The following MEI4 variants were observed in gnomAD, a reference collection of about 807,000 sequenced individuals.
MEI4 encodes the protein meiosis-specific protein MEI4.
A neutral mutation model predicts 31.4 loss-of-function variants in MEI4; 27 were observed. That is an observed-to-expected ratio of 0.86 (90% CI 0.63 to 1.19). The LOEUF (loss-of-function observed/expected upper bound fraction) is 1.19. Among genes scored for constraint, MEI4 ranks in the 50% most tolerant of loss-of-function variants. The pLI is 0.00. For missense variants in MEI4, 329 were observed against 398.9 expected (o/e 0.82, Z 1.49); for synonymous variants, 122 against 145.4 (o/e 0.84, Z 1.16).
chr6:77,844,103 C>A (rs1465603756), intron 4 of MEI4, among the ~76,000 whole-genome samples: 2 of 152,110 alleles, frequency 1.3e-5, no homozygotes, highest in Admixed American at 1.3e-4. Flanking sequence ...AAACAGATCA[C>A]ATCATAATCA....
chr6:77,803,240 A>T (rs1769322504), intron 3 of MEI4, among the ~76,000 whole-genome samples: 2 of 152,126 alleles, frequency 1.3e-5, no homozygotes, highest in Admixed American at 6.5e-5. Context: ...CATCACTGAT[A>T]CCCTTTCTTC....
intron 1 of MEI4, among the ~76,000 whole-genome samples, chr6:77,669,527 T>G (rs1185495481): frequency 6.6e-6 from 1 of 152,188 alleles, no homozygotes; most frequent in Non-Finnish European, 1.5e-5. Context: ...ATTATTAGTG[T>G]CCTCATGTAA....
At chr6:77,797,791 C>G (rs1052933485) in intron 3 of MEI4, among the ~76,000 whole-genome samples, 1 of 152,104 alleles carries the variant, frequency 6.6e-6, no homozygotes, top group Non-Finnish European at 1.5e-5. Context: ...TGGTGCCCAC[C>G]CACGTTGAGG....
At chr6:77,746,830 A>T (rs1767622961) in intron 2 of MEI4, among the ~76,000 whole-genome samples, 1 of 152,144 alleles carries the variant, frequency 6.6e-6, no homozygotes, top group Non-Finnish European at 1.5e-5. Context: ...GACAGGAGGG[A>T]TAGCCACAAT....
At chr6:77,735,324 T>C (rs1384992546) in intron 2 of MEI4, among the ~76,000 whole-genome samples, 1 of 151,790 alleles carries the variant, frequency 6.6e-6, no homozygotes, top group Non-Finnish European at 1.5e-5. Flanking sequence ...TTGGAGGCTT[T>C]GCTCATTTCT....
At chr6:77,805,165 A>T (rs1366234811) in intron 3 of MEI4, among the ~76,000 whole-genome samples, 1 of 152,274 alleles carries the variant, frequency 6.6e-6, no homozygotes, top group Middle Eastern at 3.4e-3. Context: ...AATAATATGT[A>T]AAAATATGAT....
At chr6:77,734,348 T>C (rs1056414737) in intron 2 of MEI4, among the ~76,000 whole-genome samples, 3 of 152,226 alleles carry the variant, frequency 2.0e-5, no homozygotes. Flanking sequence ...ATATTTAGGA[T>C]AGTTAGCTCT....
chr6:77,798,412 G>C (rs1214043895), intron 3 of MEI4, among the ~76,000 whole-genome samples: 1 of 151,584 alleles, frequency 6.6e-6, no homozygotes, highest in Non-Finnish European at 1.5e-5. Flanking sequence ...CTAATTAAAA[G>C]AGATTGTCAA....
At chr6:77,786,853 A>G (rs1768749758) in intron 3 of MEI4, among the ~76,000 whole-genome samples, 1 of 152,210 alleles carries the variant, frequency 6.6e-6, no homozygotes, top group Non-Finnish European at 1.5e-5. Context: ...ATCTCTGTGG[A>G]AAAAAGAATA....
intron 2 of MEI4, among the ~76,000 whole-genome samples, chr6:77,701,732 A>G (rs1766228333): frequency 6.6e-6 from 1 of 152,168 alleles, no homozygotes; most frequent in African/African-American, 2.4e-5. Flanking sequence ...AAAGAAAGTA[A>G]GAAAAAATCA....
chr6:77,794,485 C>T (rs1769026443), intron 3 of MEI4, among the ~76,000 whole-genome samples: 1 of 152,234 alleles, frequency 6.6e-6, no homozygotes, highest in East Asian at 1.9e-4. Flanking sequence ...ATGGCATGAA[C>T]TCTGGAGGCA....
chr6:77,880,717 C>G (rs956851528), intron 4 of MEI4, among the ~76,000 whole-genome samples: 5 of 152,132 alleles, frequency 3.3e-5, no homozygotes, highest in Non-Finnish European at 7.3e-5. Flanking sequence ...CTGCTGCACA[C>G]TTCAAAAACA....
chr6:77,865,029 C>T, intron 4 of MEI4, among the ~76,000 whole-genome samples: 1 of 152,062 alleles, frequency 6.6e-6, no homozygotes, highest in East Asian at 1.9e-4. Flanking sequence ...TTCTTTGAAA[C>T]CAACGAGAAC....
intron 1 of MEI4, among the ~76,000 whole-genome samples, chr6:77,680,244 A>G (rs1023503056): frequency 6.6e-6 from 1 of 151,320 alleles, no homozygotes; most frequent in Non-Finnish European, 1.5e-5. Context: ...GCACCACCGC[A>G]CTCTAGCCTG....
At chr6:77,876,644 C>T (rs1379045013) in intron 4 of MEI4, among the ~76,000 whole-genome samples, 1 of 152,116 alleles carries the variant, frequency 6.6e-6, no homozygotes, top group Non-Finnish European at 1.5e-5. Context: ...CAATGCCTGT[C>T]CACACTTGGT....
At chr6:77,798,630 T>A (rs1336487882) in intron 3 of MEI4, among the ~76,000 whole-genome samples, 1 of 144,784 alleles carries the variant, frequency 6.9e-6, no homozygotes, top group East Asian at 2.1e-4. Context: ...CTCCTAAAGC[T>A]ATCCCTCCCC....
At chr6:77,767,481 G>A (rs1768204469) in intron 3 of MEI4, among the ~76,000 whole-genome samples, 1 of 152,100 alleles carries the variant, frequency 6.6e-6, no homozygotes, top group Non-Finnish European at 1.5e-5. Flanking sequence ...GATCACTTGA[G>A]CCCAGGAGTT....
chr6:77,684,296 G>A (rs552155098), intron 1 of MEI4, among the ~76,000 whole-genome samples: 1 of 152,188 alleles, frequency 6.6e-6, no homozygotes, highest in East Asian at 1.9e-4. Flanking sequence ...TGGGGTACAT[G>A]AGATACTTTG....
chr6:77,710,850 A>C (rs375626875), intron 2 of MEI4, among the ~76,000 whole-genome samples: 2 of 152,274 alleles, frequency 1.3e-5, no homozygotes, highest in South Asian at 4.1e-4. Flanking sequence ...ATTGAGAACC[A>C]CTGGTTTAGG....
Sources: gnomAD v4.1 joint callset for allele counts (sites outside exome capture counted in the v4.1 genomes callset) on GRCh38, gnomAD v4.1.1 for gene constraint, MANE v1.5 for transcripts, NCBI Gene and HGNC (gene_info 2026-07-23, HGNC 2026-07-21) for gene names.